Variants in PHF20L1 observed in about 807,000 individuals in gnomAD.
The protein encoded by PHF20L1 is PHD finger protein 20 like 1, also known as PHD finger protein 20-like protein 1.
Under a neutral mutation model 125.5 loss-of-function variants are expected in PHF20L1, and 44 were observed. The observed-to-expected ratio is 0.35, with a 90% CI of 0.28 to 0.45. The LOEUF (loss-of-function observed/expected upper bound fraction) is 0.45. Among genes scored for constraint, PHF20L1 ranks in the 20% least tolerant of loss-of-function variants. The pLI, the probability that PHF20L1 is intolerant of heterozygous loss-of-function variation, is 1.00. For missense variants in PHF20L1, 1,012 were observed against 1,217.2 expected, an observed-to-expected ratio of 0.83 and a Z score of 2.51; for synonymous variants, 380 against 403.1, an observed-to-expected ratio of 0.94 and a Z score of 0.69.
chr8:132,794,548 A>C lies in PHF20L1; in HGVS notation c.222A>C (p.Arg74Ser). 1 of 1,611,624 alleles carries C rather than the reference A, an allele frequency of 6.2e-7. No homozygotes were observed. The highest frequency in any genetic ancestry group is 8.5e-7 in the Non-Finnish European group (1 of 1,178,844). The change falls in exon 3 of 21, where the codon AGA becomes AGC. Residue 74 changes from arginine to serine, a missense_variant. Physicochemically the swap from Arg to Ser is moderately radical, Grantham distance 110. Around this residue, in one of 7 missense-constraint regions of PHF20L1, gnomAD observed 94 missense variants for 179.5 expected, o/e 0.52. Transcript: ENST00000395386. Reference protein sequence around the residue: ...RLRPLERPALRKEGLKDEEDF... With the variant: ...RLRPLERPALSKEGLKDEEDF... ...GACCCCTTGAGAGACCAGCACTAAG[A>C]AAAGAAGGGCTAAAAGATGAGGAAG...
Position 132,824,079 on chromosome 8 carries a change from CT to C in PHF20L1, c.1636+22del. The C allele has an allele frequency of 6.6e-7, 1 of 1,517,948 alleles. No individual in the cohort carries two copies. Among genetic ancestry groups the C allele is most frequent in the Non-Finnish European group, 9.1e-7 (1 of 1,099,110 alleles). 94.0% of individuals were successfully genotyped at this position (1,517,948 alleles called of 1,614,324 possible). A position where few individuals can be genotyped will look rare whatever the true frequency, so the allele number is the denominator to read the frequency against. On this transcript the variant is annotated intron_variant, in intron 13 of 20. Transcript: ENST00000395386. ...GCATTTGGTATGAACAGAAAGTAAT[CT>C]TTAAGCAAAAGACTATAAAGCTTGA...
intron 17 of PHF20L1, 74 bp downstream of exon 17, chr8:132,837,885 G>A: frequency 9.9e-7 from 1 of 1,008,900 alleles, no homozygotes; most frequent in South Asian, 1.3e-5. Flanking sequence ...TGTATCAGCT[G>A]TGTTCACCAC....
chr8:132,798,171 G>A (rs1458665071), intron 4 of PHF20L1, among the ~76,000 whole-genome samples: 1 of 152,008 alleles, frequency 6.6e-6, no homozygotes, highest in East Asian at 1.9e-4. Flanking sequence ...CCACTTAGGT[G>A]AATGCCATTG....
Position 132,817,439 on chromosome 8 carries a change from C to T in PHF20L1, c.1473C>T (p.Ser491=), listed in dbSNP as rs763372978. 2 of 1,612,678 alleles carry T rather than the reference C, an allele frequency of 1.2e-6. No individual in the cohort carries two copies. The highest frequency in any genetic ancestry group is 8.5e-7 in the Non-Finnish European group (1 of 1,179,188). ...TTACAGCACCGGTAGCCTCAGATTC[C>T]TCTTACCGTAATGAATGTCCCAGGG... The part of the protein sequence containing the change: ...SEVTAPVASD[S]SYRNECPRAE... Residue 491 remains serine, a synonymous_variant, in exon 12 of 21, where the codon TCC becomes TCT. Coordinates refer to ENST00000395386, the MANE Select transcript of PHF20L1 (RefSeq NM_016018.5).
intron 20 of PHF20L1, 84 bp from the exon 21 acceptor site, chr8:132,845,697 A>G: frequency 2.1e-6 from 2 of 970,100 alleles, no homozygotes; most frequent in Non-Finnish European, 3.3e-6. Flanking sequence ...TAACTCCATC[A>G]CAGCTCCAAC....
rs186417940 is a variant in PHF20L1 at position 132,830,437 on chromosome 8, A to G, written c.1745-1798A>G. Among the ~76,000 whole-genome samples, 1,117 of 152,168 alleles carry G rather than the reference A, an allele frequency of 7.3e-3. 8 individuals carry two copies. Among genetic ancestry groups the G allele is most frequent in the Non-Finnish European group, 0.012 (815 of 67,984 alleles). The stretch of plus-strand genomic sequence containing the variant: ...AGGACATAGACATTTTTGGCAGACT[A>G]TTCTGTCTCCCACAGCTGCCACCTT... On this transcript the variant is annotated intron_variant, in intron 14 of 20. Transcript: ENST00000395386.
chr8:132,842,948 A>G (rs1838078574), intron 19 of PHF20L1, 73 bp downstream of exon 19: 2 of 1,480,470 alleles, frequency 1.4e-6, no homozygotes, highest in South Asian at 1.4e-5. Flanking sequence ...AAAATAAGGC[A>G]TACTGAATTC....
At chr8:132,836,998 C>T (rs373526308) in intron 16 of PHF20L1, among the ~76,000 whole-genome samples, 14 of 152,186 alleles carry the variant, frequency 9.2e-5, no homozygotes, top group South Asian at 6.2e-4. Flanking sequence ...AACCCTCACA[C>T]GAAAGGGCAG....
At chr8:132,823,913 T>C (rs898831647) in intron 12 of PHF20L1, 91 bp from the exon 13 acceptor site, 2 of 707,552 alleles carry the variant, frequency 2.8e-6, no homozygotes, top group African/African-American at 1.9e-5. Flanking sequence ...GAGTCTTACA[T>C]AGAGTTTTAT....
chr8:132,842,248 G>T, intron 18 of PHF20L1: 2 of 288,078 alleles, frequency 6.9e-6, no homozygotes, highest in South Asian at 1.4e-4. Context: ...TGACAAATCA[G>T]TAGAAAAAGA....
intron 2 of PHF20L1, among the ~76,000 whole-genome samples, chr8:132,782,542 A>G (rs975023028): frequency 6.6e-6 from 1 of 151,978 alleles, no homozygotes; most frequent in Non-Finnish European, 1.5e-5. Flanking sequence ...GAATCATAGA[A>G]GGCAAAACAT....
intron 8 of PHF20L1, chr8:132,810,290 C>G (rs235431): frequency 0.41 from 62,772 of 151,882 alleles, 13,082 homozygotes; most frequent in South Asian, 0.51. Context: ...GTGATCTGCC[C>G]GCCTCGGCCT....
In PHF20L1 at chr8:132,837,882, G is replaced by T. The variant is rs74581270; in HGVS notation, c.2191+71G>T. 1.3e-5 allele frequency: 14 copies of T among 1,056,294 alleles called. No individual in the cohort carries two copies. The African/African-American group carries it at 2.2e-4, about 17-fold the overall frequency. The allele number at this position is 1,056,294 out of a possible 1,614,324, so 65.4% of individuals were successfully genotyped here. On this transcript the variant is annotated intron_variant, in intron 17 of 20. Transcript: ENST00000395386. The stretch of plus-strand genomic sequence containing the variant: ...TCCTCCAGGATTCCAGAGTGTATCA[G>T]CTGTGTTCACCACCACTACAGCAAG...
intron 1 of PHF20L1, 53 bp downstream of exon 1, chr8:132,775,698 C>G: frequency 3.1e-6 from 1 of 320,002 alleles, no homozygotes. Context: ...CGCCGGGCCG[C>G]CCGGGACGCC....
At chr8:132,795,769 A>G (rs921907045) in intron 4 of PHF20L1, among the ~76,000 whole-genome samples, 1 of 152,116 alleles carries the variant, frequency 6.6e-6, no homozygotes, top group Non-Finnish European at 1.5e-5. Flanking sequence ...CCTATACTGT[A>G]CATGTATATG....
intron 15 of PHF20L1, among the ~76,000 whole-genome samples, chr8:132,832,629 T>G (rs574336672): frequency 6.6e-6 from 1 of 152,228 alleles, no homozygotes; most frequent in East Asian, 1.9e-4. Context: ...GTGTATATAC[T>G]TCTGTAGGTT....
In PHF20L1 at chr8:132,839,553, C is replaced by T. The variant is rs199702503; in HGVS notation, c.2358C>T (p.His786=). ...ADVYGVTEVL[H]GLQLKIGILK... The stretch of plus-strand genomic sequence containing the variant: ...TCTATGGTGTTACAGAAGTGCTACA[C>T]GGGCTACAGCTGAAGATTGGAATAC... The change falls in exon 18 of 21, where the codon CAC becomes CAT. Residue 786 remains histidine (H), a synonymous_variant. Coordinates refer to ENST00000395386, the MANE Select transcript of PHF20L1 (RefSeq NM_016018.5). 3.3e-3 allele frequency: 5,402 copies of T among 1,613,012 alleles called. 15 individuals carry two copies. Among genetic ancestry groups the T allele is most frequent in the Non-Finnish European group, 4.0e-3 (4,695 of 1,179,254 alleles).
chr8:132,820,676 T>A (rs1048301594), intron 12 of PHF20L1, among the ~76,000 whole-genome samples: 24 of 151,974 alleles, frequency 1.6e-4, no homozygotes, highest in African/African-American at 5.6e-4. Flanking sequence ...TAGTAGATGA[T>A]GTCTGTGGTC....
intron 2 of PHF20L1, among the ~76,000 whole-genome samples, chr8:132,793,181 GAAGGGTGGTTTAGGGCTCGGACGGA>G (rs1220196567): frequency 5.3e-5 from 8 of 152,052 alleles, no homozygotes; most frequent in Admixed American, 4.6e-4. Context: ...CAAAGGAAGG[GAAGGGTGGTTTAGGGCTCGGACGGA>G]AAGAATAGAA....
Sources: gnomAD v4.1 joint callset for allele counts (sites outside exome capture counted in the v4.1 genomes callset) on GRCh38, gnomAD v4.1.1 for gene constraint, gnomAD v4.1.1 regional missense constraint, MANE v1.5 for transcripts, NCBI Gene and HGNC (gene_info 2026-07-23, HGNC 2026-07-21) for gene names.